Variants in IKZF1 observed in about 807,000 individuals in gnomAD.
IKZF1 encodes the protein IKAROS family zinc finger 1, also known as DNA-binding protein Ikaros.
A neutral mutation model predicts 51.7 loss-of-function variants in IKZF1; 10 were observed. The observed-to-expected ratio is 0.19, with a 90% CI of 0.12 to 0.33. IKZF1 has a LOEUF of 0.33. Among genes scored for constraint, IKZF1 ranks in the 10% least tolerant of loss-of-function variants. The pLI, the probability that IKZF1 is intolerant of heterozygous loss-of-function variation, is 1.00. For synonymous variants in IKZF1, 280 were observed against 282.3 expected (o/e 0.99, Z 0.08); for missense variants, 484 against 707.5 (o/e 0.68, Z 3.58).
At chr7:50,387,216 A>G in intron 5 of IKZF1, 129 bp from the exon 6 acceptor site, 2 of 1,294,118 alleles carry the variant, frequency 1.5e-6, no homozygotes, top group Non-Finnish European at 2.0e-6. Context: ...CCAAGTCCGT[A>G]ACAGTTTTAG....
chr7:50,318,571 A>C (rs1006548151), intron 1 of IKZF1: 1 of 220,954 alleles, frequency 4.5e-6, no homozygotes, highest in African/African-American at 2.2e-5. Flanking sequence ...TGCCTGGGTA[A>C]ATGAGACATT....
At chr7:50,334,326 G>A (rs1309095433) in intron 3 of IKZF1, among the ~76,000 whole-genome samples, 2 of 152,136 alleles carry the variant, frequency 1.3e-5, no homozygotes, top group African/African-American at 4.8e-5. Flanking sequence ...TTGTGTATAT[G>A]TGCATGTGGT....
At chr7:50,318,898 A>T (rs1382323820) in intron 1 of IKZF1, 150 bp from the exon 2 acceptor site, 1 of 541,810 alleles carries the variant, frequency 1.8e-6, no homozygotes, top group East Asian at 2.8e-5. Flanking sequence ...TGCCAGTCTG[A>T]TACTCCAGCA....
At chr7:50,319,427 A>AAGAG (rs368445176) in intron 2 of IKZF1, among the ~76,000 whole-genome samples, 10 of 151,474 alleles carry the variant, frequency 6.6e-5, no homozygotes, top group Non-Finnish European at 1.3e-4. Flanking sequence ...ATGGTACTTA[A>AAGAG]AGAGAGAGAG....
Position 50,359,216 on chromosome 7 carries a change from G to A in IKZF1, c.161-17317G>A, listed in dbSNP as rs540667348. 3.5e-3 allele frequency among the ~76,000 whole-genome samples: 531 copies of A among 152,260 alleles called. 4 individuals are homozygous for A. Among genetic ancestry groups the A allele is most frequent in the African/African-American group, 0.012 (506 of 41,534 alleles). On this transcript the variant is annotated intron_variant, in intron 3 of 7. Transcript: ENST00000331340. ...GTCAAGACTGCAGTGAGCTGTGATCGAGCCACTGCACTACAGCCTGGGCCA... is the reference window on the plus strand; with the variant it reads ...GTCAAGACTGCAGTGAGCTGTGATCAAGCCACTGCACTACAGCCTGGGCCA...
At chr7:50,373,171 T>C (rs1809218690) in intron 3 of IKZF1, among the ~76,000 whole-genome samples, 1 of 152,216 alleles carries the variant, frequency 6.6e-6, no homozygotes, top group Admixed American at 6.5e-5. Context: ...TCACATAGCT[T>C]TGCCTCCTCC....
intron 3 of IKZF1, chr7:50,368,216 A>G (rs1807558335): frequency 2.8e-6 from 2 of 703,192 alleles, no homozygotes; most frequent in Admixed American, 4.0e-5. Flanking sequence ...ATTTTTGGGT[A>G]TTTATACCAT....
chr7:50,385,012 G>C (rs1812953761), intron 5 of IKZF1, among the ~76,000 whole-genome samples: 1 of 152,114 alleles, frequency 6.6e-6, no homozygotes, highest in African/African-American at 2.4e-5. Flanking sequence ...ATGTTATTCT[G>C]GCTCCAGGCC....
At chr7:50,346,495 T>C (rs1188185755) in intron 3 of IKZF1, among the ~76,000 whole-genome samples, 2 of 152,236 alleles carry the variant, frequency 1.3e-5, no homozygotes, top group Non-Finnish European at 2.9e-5. Context: ...TTCTCCTGGC[T>C]AAAGTGTGTT....
intron 5 of IKZF1, 147 bp downstream of exon 5, chr7:50,382,854 T>A: frequency 9.7e-7 from 1 of 1,034,766 alleles, no homozygotes; most frequent in Non-Finnish European, 1.4e-6. Flanking sequence ...CTGTTGCTTC[T>A]TTGACATTGC....
rs566467720 is a variant in IKZF1, at chr7:50,366,188, A to G, written c.161-10345A>G. Among the ~76,000 whole-genome samples, 13 of 152,348 alleles carry G rather than the reference A, an allele frequency of 8.5e-5. 1 individual carries two copies. In the South Asian group the frequency reaches 2.7e-3, roughly 32 times the overall value. On this transcript the variant is annotated intron_variant, in intron 3 of 7. Transcript: ENST00000331340. The stretch of plus-strand genomic sequence containing the variant: ...AATACCGGATGACAAAACAATCTGT[A>G]TAACAAACCCCCATGACATGAGTTT...
At chr7:50,398,179 G>A (rs1817213902) in intron 7 of IKZF1, among the ~76,000 whole-genome samples, 1 of 152,204 alleles carries the variant, frequency 6.6e-6, no homozygotes, top group Non-Finnish European at 1.5e-5. Flanking sequence ...GCCATCATCA[G>A]CCATAACCTG....
At chr7:50,331,624 G>A (rs899647915) in intron 3 of IKZF1, among the ~76,000 whole-genome samples, 77 of 152,276 alleles carry the variant, frequency 5.1e-4, no homozygotes, top group African/African-American at 1.8e-3. Context: ...TGATGGGAAT[G>A]GTGGAAATCA....
At chr7:50,319,911 A>G (rs1359085998) in intron 2 of IKZF1, among the ~76,000 whole-genome samples, 1 of 152,130 alleles carries the variant, frequency 6.6e-6, no homozygotes, top group Non-Finnish European at 1.5e-5. Context: ...GGGATTCTAC[A>G]AGTTGGTGCT....
At chr7:50,384,789 C>T (rs1484600058) in intron 5 of IKZF1, among the ~76,000 whole-genome samples, 1 of 152,198 alleles carries the variant, frequency 6.6e-6, no homozygotes, top group African/African-American at 2.4e-5. Flanking sequence ...ACACAGTTGG[C>T]AGCAATATTG....
chr7:50,303,706 C>T (rs920809066), upstream of IKZF1, among the ~76,000 whole-genome samples: 1 of 152,036 alleles, frequency 6.6e-6, no homozygotes, highest in Non-Finnish European at 1.5e-5. The surrounding 1 kb of genome is among the most constrained non-coding windows in gnomAD (Gnocchi z 4.7). Context: ...GTACAGCGGG[C>T]GCTCCCAGAC....
rs1056256100 is a variant in IKZF1 at position 50,336,618 on chromosome 7, G to A, written c.160+8861G>A. 3.0e-3 allele frequency among the ~76,000 whole-genome samples: 462 copies of A among 152,314 alleles called. 4 individuals carry two copies. The highest frequency in any genetic ancestry group is 0.01 in the Middle Eastern group (3 of 294). On this transcript the variant is annotated intron_variant, in intron 3 of 7. Transcript: ENST00000331340. ...GAGGGGAAGAAAGGCAGGGAGGGGC[G>A]TCTCAGAGGGCAGAGAAGGGCATCT...
intron 3 of IKZF1, among the ~76,000 whole-genome samples, chr7:50,336,164 T>G (rs1797719864): frequency 6.6e-6 from 1 of 152,004 alleles, no homozygotes; most frequent in Non-Finnish European, 1.5e-5. Flanking sequence ...GTGGCCAGGC[T>G]GGGTCCCCGG....
intron 3 of IKZF1, among the ~76,000 whole-genome samples, chr7:50,330,941 C>G (rs147291925): frequency 0.017 from 2,539 of 152,244 alleles, 70 homozygotes; most frequent in African/African-American, 0.055. Flanking sequence ...GGTCCAGGCC[C>G]TCTCCTCCCT....
Sources: gnomAD v4.1 joint callset for allele counts (sites outside exome capture counted in the v4.1 genomes callset) on GRCh38, gnomAD v4.1.1 for gene constraint, Gnocchi (gnomAD v3.1) non-coding constraint, MANE v1.5 for transcripts, NCBI Gene and HGNC (gene_info 2026-07-23, HGNC 2026-07-21) for gene names.